PCLO: variants seen among roughly 807,000 people sequenced by gnomAD.
The protein encoded by PCLO is protein piccolo.
A neutral mutation model predicts 427.5 loss-of-function variants in PCLO; 82 were observed. The observed-to-expected ratio is 0.19, with a 90% confidence interval of 0.16 to 0.23. The LOEUF (loss-of-function observed/expected upper bound fraction) is 0.23, where lower values mean the gene tolerates loss of function less well. Among genes scored for constraint, PCLO ranks in the 10% least tolerant of loss-of-function variants. The pLI is 1.00. For synonymous variants in PCLO, 2,357 were observed against 2,155.4 expected (o/e 1.09, Z -2.59); for missense variants, 6,239 against 6,115.9 (o/e 1.02, Z -0.67).
intron 3 of PCLO, among the ~76,000 whole-genome samples, chr7:83,108,953 C>T (rs150642473): frequency 1.3e-5 from 2 of 152,184 alleles, no homozygotes; most frequent in African/African-American, 4.8e-5. Flanking sequence ...TGGTTTTTGA[C>T]ATTGAAAATA....
At chr7:83,115,482 T>C (rs948058132) in intron 3 of PCLO, among the ~76,000 whole-genome samples, 14 of 152,084 alleles carry the variant, frequency 9.2e-5, no homozygotes, top group Admixed American at 5.2e-4. Flanking sequence ...CTATGACTTT[T>C]ATAAGCTGTT....
chr7:82,855,730 C>T (rs1461298894), intron 10 of PCLO, among the ~76,000 whole-genome samples: 2 of 151,902 alleles, frequency 1.3e-5, no homozygotes, highest in African/African-American at 4.8e-5. Context: ...GAAGAGAAGA[C>T]AATGTCGTAT....
chr7:83,091,670 T>C lies in PCLO; in HGVS notation c.3300+42580A>G, dbSNP rs1790381421. ...ACATACTGATGTCAATTTTGTACATTTGCTTATAATAAATGTTCAATTGAT... is the reference window on the plus strand; with the variant it reads ...ACATACTGATGTCAATTTTGTACATCTGCTTATAATAAATGTTCAATTGAT... On this transcript the variant is annotated intron_variant, in intron 3 of 24. Coordinates refer to ENST00000333891, the MANE Select transcript of PCLO (RefSeq NM_033026.6). Among the ~76,000 whole-genome samples, 4 of 152,294 alleles carry C rather than the reference T, an allele frequency of 2.6e-5. No homozygotes were observed. The South Asian group carries it at 6.2e-4, about 24-fold the overall frequency.
In PCLO at chr7:82,952,171, T is replaced by TTTC. The variant is rs756606073; in HGVS notation, c.8779_8781dup (p.Glu2927dup). 184 of 1,308,688 alleles carry TTTC rather than the reference T, an allele frequency of 1.4e-4. No homozygotes were observed. The highest frequency in any genetic ancestry group is 1.8e-4 in the Non-Finnish European group (179 of 980,950). The allele number at this position is 1,308,688 out of a possible 1,614,324, so 81.1% of individuals were successfully genotyped here. On this transcript the variant is annotated inframe_insertion, in exon 5 of 25. Coordinates refer to ENST00000333891, the MANE Select transcript of PCLO (RefSeq NM_033026.6). ...CTCCCTGCGGTTAAATCAACGGGTT[T>TTTC]TTCATCTTCTATTATTTTGGTCATC...
intron 22 of PCLO, among the ~76,000 whole-genome samples, chr7:82,797,249 G>A (rs7800433): frequency 0.36 from 54,764 of 151,952 alleles, 10,458 homozygotes; most frequent in African/African-American, 0.46. Context: ...AGAAAATTAA[G>A]CTTCATGGAA....
rs977730610 is a variant in PCLO, at chr7:82,999,181, T to G, written c.3301-32694A>C. 8.4e-5 allele frequency among the ~76,000 whole-genome samples: 12 copies of G among 143,266 alleles called. No homozygotes were observed. The Admixed American group carries it at 8.6e-4, about 10-fold the overall frequency. The allele number at this position is 143,266 out of a possible 152,430, so 94.0% of individuals were successfully genotyped here. A position where few individuals can be genotyped will look rare whatever the true frequency, so the allele number is the denominator to read the frequency against. On this transcript the variant is annotated intron_variant, in intron 3 of 24. Coordinates refer to ENST00000333891, the MANE Select transcript of PCLO (RefSeq NM_033026.6). ...AGACTGAAAAAAAAAAACAACAGAA[T>G]AGAATATTCCAGAATTGTGGGATAC...
chr7:82,839,632 C>G (rs114194657), intron 14 of PCLO, among the ~76,000 whole-genome samples: 2,419 of 152,192 alleles, frequency 0.016, 61 homozygotes, highest in African/African-American at 0.054. Flanking sequence ...CCCATTCTCT[C>G]CTTTCTCTGC....
chr7:83,052,339 A>T (rs186606801), intron 3 of PCLO, among the ~76,000 whole-genome samples: 2 of 151,968 alleles, frequency 1.3e-5, no homozygotes, highest in Non-Finnish European at 2.9e-5. Flanking sequence ...AATAAAATCT[A>T]TTAAATAAAA....
intron 9 of PCLO, among the ~76,000 whole-genome samples, chr7:82,900,944 C>CA (rs1301684824): frequency 2.6e-5 from 4 of 151,052 alleles, no homozygotes; most frequent in Non-Finnish European, 3.0e-5. Context: ...AGAACACAAA[C>CA]AAAAAAAACT....
intron 3 of PCLO, among the ~76,000 whole-genome samples, chr7:83,062,491 A>T (rs1789565369): frequency 6.6e-6 from 1 of 152,154 alleles, no homozygotes; most frequent in African/African-American, 2.4e-5. Context: ...TAGTGATATT[A>T]CTAAGTTGGG....
chr7:82,880,410 T>C (rs1215535250), intron 9 of PCLO: 2 of 413,452 alleles, frequency 4.8e-6, no homozygotes, highest in Non-Finnish European at 9.9e-6. Flanking sequence ...AATAGCTCTA[T>C]TCTTTTTATC....
chr7:82,904,481 C>A (rs1357526753), intron 8 of PCLO, among the ~76,000 whole-genome samples: 2 of 151,872 alleles, frequency 1.3e-5, no homozygotes, highest in Non-Finnish European at 1.5e-5. Context: ...TGTAACTGAA[C>A]TTTGCTTTGG....
chr7:82,951,170 G>C lies in PCLO; in HGVS notation c.9418C>G (p.Pro3140Ala), dbSNP rs1334777425. Residue 3140 changes from proline to alanine, a missense_variant, in exon 6 of 25, where the codon CCT becomes GCT. This residue lies in a region of PCLO where 4,677 missense variants were observed against 4,468.4 expected (regional missense o/e 1.05). Transcript: ENST00000333891. The part of the protein sequence containing the change: ...LPAMHHSQPM[P>A]RSYFITTGAS... ...CCTGTTGTTATAAAATATGATCTAG[G>C]CATTGGCTGGCTATGGTGCATGGCA... 1 of 1,613,568 alleles carries C rather than the reference G, an allele frequency of 6.2e-7. No homozygotes were observed. The highest frequency in any genetic ancestry group is 8.5e-7 in the Non-Finnish European group (1 of 1,179,662).
chr7:83,032,894 G>T (rs1179898861), intron 3 of PCLO, among the ~76,000 whole-genome samples: 1 of 152,054 alleles, frequency 6.6e-6, no homozygotes, highest in Admixed American at 6.6e-5. Flanking sequence ...CACCCAAATC[G>T]CATCTCATCT....
chr7:83,013,097 T>A (rs1730734816), intron 3 of PCLO, among the ~76,000 whole-genome samples: 1 of 152,126 alleles, frequency 6.6e-6, no homozygotes, highest in Admixed American at 6.6e-5. Flanking sequence ...TATACATATA[T>A]ACATATATTT....
At chr7:82,973,034 T>C (rs943689389) in intron 3 of PCLO, among the ~76,000 whole-genome samples, 1 of 152,084 alleles carries the variant, frequency 6.6e-6, no homozygotes, top group African/African-American at 2.4e-5. Context: ...TTTTTAGTTA[T>C]AAATTCATTC....
intron 19 of PCLO, among the ~76,000 whole-genome samples, chr7:82,823,377 C>A (rs1791844590): frequency 6.6e-6 from 1 of 152,142 alleles, no homozygotes; most frequent in Non-Finnish European, 1.5e-5. Flanking sequence ...GTACAAAGAA[C>A]CACTTTACAA....
chr7:82,974,627 T>C lies in PCLO; in HGVS notation c.3301-8140A>G, dbSNP rs887965489. Among the ~76,000 whole-genome samples, 15 of 152,194 alleles carry C rather than the reference T, an allele frequency of 9.9e-5. 1 individual carries two copies. The highest frequency in any genetic ancestry group is 3.6e-4 in the African/African-American group (15 of 41,460). ...TCTAGTGTACTAGGTTTTAGGCTGA[T>C]AGCTATTTATGTATTATAAGTGTGG... On this transcript the variant is annotated intron_variant, in intron 3 of 24. Transcript: ENST00000333891.
At chr7:82,906,006 TATAG>T (rs35608595) in intron 8 of PCLO, among the ~76,000 whole-genome samples, 26,200 of 146,584 alleles carry the variant, frequency 0.18, 2,452 homozygotes, top group Middle Eastern at 0.26. Flanking sequence ...AGGTTAAGCA[TATAG>T]ATAGATAGAT....
Sources: gnomAD v4.1 joint callset for allele counts (sites outside exome capture counted in the v4.1 genomes callset) on GRCh38, gnomAD v4.1.1 for gene constraint, gnomAD v4.1.1 regional missense constraint, MANE v1.5 for transcripts, NCBI Gene and HGNC (gene_info 2026-07-23, HGNC 2026-07-21) for gene names.